NRG3: variants seen among roughly 807,000 people sequenced by gnomAD.
NRG3 encodes neuregulin 3, also known as pro-neuregulin-3, membrane-bound isoform.
In NRG3, 31 loss-of-function variants were observed where a neutral mutation model predicts 66.9. The observed-to-expected ratio is 0.46, with a 90% CI of 0.35 to 0.63. The LOEUF (loss-of-function observed/expected upper bound fraction) is 0.63, where lower values mean the gene tolerates loss of function less well. Ranked by LOEUF, NRG3 falls within the 20% of genes least tolerant of loss-of-function variation. The probability of loss-of-function intolerance (pLI) is 0.00; values close to 1 mark genes in which losing one functional copy is unlikely to be tolerated. For synonymous variants in NRG3, 393 were observed against 359.4 expected, an observed-to-expected ratio of 1.09 and a Z score of -1.06; for missense variants, 910 against 878.9, an observed-to-expected ratio of 1.04 and a Z score of -0.45.
chr10:82,144,258 A>T (rs1024886434), intron 1 of NRG3, among the ~76,000 whole-genome samples: 8 of 152,166 alleles, frequency 5.3e-5, no homozygotes, highest in African/African-American at 1.9e-4. Flanking sequence ...TGAAACAAGC[A>T]TTCATCTGTT....
chr10:82,201,739 A>G (rs1432509285), intron 1 of NRG3, among the ~76,000 whole-genome samples: 1 of 152,168 alleles, frequency 6.6e-6, no homozygotes, highest in Admixed American at 6.5e-5. Context: ...TAAGAAAGGG[A>G]AACCATGTAA....
intron 3 of NRG3, among the ~76,000 whole-genome samples, chr10:82,829,743 G>GAATA (rs1379844378): frequency 2.6e-5 from 4 of 152,092 alleles, no homozygotes; most frequent in African/African-American, 9.7e-5. Flanking sequence ...GTTTTTGTTT[G>GAATA]GTTGTGTGAT....
rs560204219 is a variant in NRG3, at chr10:82,846,551, T to C, written c.1028-18860T>C. On this transcript the variant is annotated intron_variant, in intron 3 of 8. Coordinates refer to ENST00000372141, the MANE Select transcript of NRG3 (RefSeq NM_001010848.4). The stretch of plus-strand genomic sequence containing the variant: ...AAGAAAGCTGTTTAATGTTCATTTA[T>C]GAAGGACTGCCAAAAATTCAAAGGT... Among the ~76,000 whole-genome samples the C allele has an allele frequency of 2.6e-5, 4 of 152,326 alleles. No individual in the cohort carries two copies. In the South Asian group the frequency reaches 8.3e-4, roughly 32 times the overall value.
At chr10:82,453,667 C>T (rs562158905) in intron 2 of NRG3, among the ~76,000 whole-genome samples, 49 of 150,102 alleles carry the variant, frequency 3.3e-4, no homozygotes, top group African/African-American at 1.1e-3. Context: ...AGGTTAAAAG[C>T]CTGATGTTTT....
Position 82,900,648 on chromosome 10 carries a change from T to C in NRG3, c.1054+35211T>C, listed in dbSNP as rs151322002. ...AGTCTTTTGCATGCGTTATTTCATT[T>C]TTTAAAATCACAGTGGCCTTATAGG... On this transcript the variant is annotated intron_variant, in intron 4 of 8. Transcript: ENST00000372141. Among the ~76,000 whole-genome samples, 214 of 152,314 alleles carry C rather than the reference T, an allele frequency of 1.4e-3. 4 individuals carry two copies. In the East Asian group the frequency reaches 0.032, roughly 23 times the overall value.
chr10:81,936,564 C>G (rs1847889334), intron 1 of NRG3, among the ~76,000 whole-genome samples: 1 of 152,136 alleles, frequency 6.6e-6, no homozygotes, highest in East Asian at 1.9e-4. Flanking sequence ...GTGGGAGAAC[C>G]ACAGATGGCT....
chr10:82,401,582 C>G lies in NRG3; in HGVS notation c.953+42714C>G, dbSNP rs17100037. 5.5e-3 allele frequency among the ~76,000 whole-genome samples: 839 copies of G among 152,056 alleles called. 7 individuals carry two copies. The highest frequency in any genetic ancestry group is 0.02 in the African/African-American group (815 of 41,510). On this transcript the variant is annotated intron_variant, in intron 2 of 8. Transcript: ENST00000372141. ...TCCCTTCTCTTACATGAGGGGCACC[C>G]GGATATAGGACACTTAGAGTAGCTT...
At chr10:81,995,752 G>A (rs759737787) in intron 1 of NRG3, among the ~76,000 whole-genome samples, 1 of 152,090 alleles carries the variant, frequency 6.6e-6, no homozygotes, top group African/African-American at 2.4e-5. Context: ...ACTTCTGCAG[G>A]GTTCCTTGTG....
At chr10:82,799,361 A>G (rs1259403188) in intron 3 of NRG3, among the ~76,000 whole-genome samples, 1 of 152,010 alleles carries the variant, frequency 6.6e-6, no homozygotes, top group South Asian at 2.1e-4. Flanking sequence ...CCCCATCTCT[A>G]CTAAAAATAC....
chr10:82,621,356 A>G (rs1046982341), intron 2 of NRG3, among the ~76,000 whole-genome samples: 1 of 152,196 alleles, frequency 6.6e-6, no homozygotes, highest in Admixed American at 6.5e-5. Flanking sequence ...ACCTGGGGAA[A>G]ATTCCTGCTG....
chr10:82,727,650 G>A (rs2057676539), intron 2 of NRG3, among the ~76,000 whole-genome samples: 1 of 152,250 alleles, frequency 6.6e-6, no homozygotes, highest in African/African-American at 2.4e-5. Context: ...AGTGCAGAAG[G>A]GAAATGTGGG....
chr10:82,095,045 A>G (rs2066252102), intron 1 of NRG3, among the ~76,000 whole-genome samples: 1 of 152,110 alleles, frequency 6.6e-6, no homozygotes, highest in Non-Finnish European at 1.5e-5. Context: ...TTTTTTTTAA[A>G]TGAAAAACCT....
At chr10:82,216,460 A>ATATATGTGTGTT (rs1554851844) in intron 1 of NRG3, among the ~76,000 whole-genome samples, 1 of 146,330 alleles carries the variant, frequency 6.8e-6, no homozygotes. Context: ...TTTTATATAT[A>ATATATGTGTGTT]TGTGTGTGTG....
At chr10:82,492,571 C>T (rs192423896) in intron 2 of NRG3, among the ~76,000 whole-genome samples, 33 of 152,176 alleles carry the variant, frequency 2.2e-4, no homozygotes, top group East Asian at 1.9e-3. Context: ...CACAAACTGA[C>T]GGCATCTTGG....
At chr10:82,175,679 T>C (rs1439133052) in intron 1 of NRG3, among the ~76,000 whole-genome samples, 1 of 152,184 alleles carries the variant, frequency 6.6e-6, no homozygotes, top group Non-Finnish European at 1.5e-5. Flanking sequence ...TTCACATATC[T>C]TTCTCCCTAA....
At chr10:82,163,145 G>A (rs2071737017) in intron 1 of NRG3, among the ~76,000 whole-genome samples, 1 of 151,932 alleles carries the variant, frequency 6.6e-6, no homozygotes, top group Non-Finnish European at 1.5e-5. Context: ...TTAACCTATG[G>A]AGTCTTCCAA....
intron 2 of NRG3, among the ~76,000 whole-genome samples, chr10:82,667,943 G>T (rs949074851): frequency 1.3e-5 from 2 of 152,140 alleles, no homozygotes; most frequent in African/African-American, 4.8e-5. Flanking sequence ...GTAGAAATTT[G>T]CTAAGCAATA....
At chr10:82,230,613 A>G (rs982197442) in intron 1 of NRG3, among the ~76,000 whole-genome samples, 3 of 152,080 alleles carry the variant, frequency 2.0e-5, no homozygotes, top group Non-Finnish European at 4.4e-5. Flanking sequence ...GAAAATGAAT[A>G]GAGGAATTAC....
At chr10:82,772,619 G>A (rs896750027) in intron 3 of NRG3, among the ~76,000 whole-genome samples, 2 of 151,294 alleles carry the variant, frequency 1.3e-5, no homozygotes, top group Non-Finnish European at 2.9e-5. Flanking sequence ...CTTAACATAA[G>A]GTCTTCTGGG....
Sources: gnomAD v4.1 joint callset for allele counts (sites outside exome capture counted in the v4.1 genomes callset) on GRCh38, gnomAD v4.1.1 for gene constraint, MANE v1.5 for transcripts, NCBI Gene and HGNC (gene_info 2026-07-23, HGNC 2026-07-21) for gene names.